The following IL1RAPL2 variants were observed in gnomAD, a reference collection of about 807,000 sequenced individuals.
The protein encoded by IL1RAPL2 is interleukin 1 receptor accessory protein like 2.
A neutral mutation model predicts 44.1 loss-of-function variants in IL1RAPL2; 3 were observed. The ratio of observed to expected loss-of-function variants is 0.07; its 90% CI spans 0.03 to 0.18. The LOEUF is 0.18. Among genes scored for constraint, IL1RAPL2 ranks in the 10% least tolerant of loss-of-function variants. IL1RAPL2 has a pLI of 1.00. For missense variants in IL1RAPL2, 391 were observed against 496.4 expected, an observed-to-expected ratio of 0.79 and a Z score of 2.02; for synonymous variants, 181 against 178.8, an observed-to-expected ratio of 1.01 and a Z score of -0.10.
intron 3 of IL1RAPL2, among the ~76,000 whole-genome samples, chrX:105,222,752 G>T (rs781925630): frequency 3.6e-5 from 4 of 112,110 alleles, no homozygotes; most frequent in Non-Finnish European, 5.6e-5. Flanking sequence ...ATAATGCCCA[G>T]GTTTCTGGTA....
At chrX:104,599,468 G>A (rs1213239582) in intron 1 of IL1RAPL2, among the ~76,000 whole-genome samples, 1 of 108,406 alleles carries the variant, frequency 9.2e-6, no homozygotes, top group East Asian at 2.9e-4. Flanking sequence ...GGCTGATCTC[G>A]AACTCCTGGG....
At chrX:104,731,830 A>G (rs1233031903) in intron 2 of IL1RAPL2, among the ~76,000 whole-genome samples, 1 of 112,027 alleles carries the variant, frequency 8.9e-6, no homozygotes, top group Admixed American at 9.5e-5. Context: ...ATTACAGAAA[A>G]TATTAGAGTA....
At chrX:105,250,671 C>T (rs542608865) in intron 4 of IL1RAPL2, among the ~76,000 whole-genome samples, 2 of 110,979 alleles carry the variant, frequency 1.8e-5, no homozygotes, top group Non-Finnish European at 3.8e-5. Flanking sequence ...ATACGCTTTT[C>T]TGAAAATGTA....
chrX:105,230,507 A>G (rs2034059866), intron 3 of IL1RAPL2, among the ~76,000 whole-genome samples: 1 of 108,005 alleles, frequency 9.3e-6, no homozygotes, highest in Non-Finnish European at 1.9e-5. Context: ...AATTATACAT[A>G]TATATAATTA....
intron 2 of IL1RAPL2, among the ~76,000 whole-genome samples, chrX:104,785,797 T>C (rs749005626): frequency 1.8e-5 from 2 of 112,554 alleles, no homozygotes; most frequent in East Asian, 5.6e-4. Flanking sequence ...ATTCAGAAAC[T>C]GGCTTGATGC....
At chrX:105,101,269 G>A (rs991612436) in intron 2 of IL1RAPL2, among the ~76,000 whole-genome samples, 8 of 111,787 alleles carry the variant, frequency 7.2e-5, no homozygotes, top group African/African-American at 2.6e-4. Context: ...TCATTAAACT[G>A]GGATAAGTCA....
intron 2 of IL1RAPL2, among the ~76,000 whole-genome samples, chrX:105,024,155 T>C (rs931339602): frequency 9.0e-6 from 1 of 111,600 alleles, no homozygotes; most frequent in African/African-American, 3.2e-5. Flanking sequence ...ATCATTTGTC[T>C]TGTTTTATTG....
intron 5 of IL1RAPL2, among the ~76,000 whole-genome samples, chrX:105,274,743 G>A (rs1164644601): frequency 7.1e-5 from 8 of 112,014 alleles, no homozygotes; most frequent in African/African-American, 2.6e-4. Flanking sequence ...GAAAGAAGAG[G>A]AAAGGAGAGG....
intron 5 of IL1RAPL2, among the ~76,000 whole-genome samples, chrX:105,362,351 A>G (rs7878736): frequency 0.061 from 6,848 of 111,433 alleles, 500 homozygotes; most frequent in African/African-American, 0.21. Context: ...AAGGGAAAGG[A>G]CTACTTTTAT....
intron 5 of IL1RAPL2, among the ~76,000 whole-genome samples, chrX:105,353,253 T>C (rs2035172034): frequency 9.0e-6 from 1 of 111,301 alleles, no homozygotes. Context: ...ATACGCGGCA[T>C]TATTTCTGAG....
intron 2 of IL1RAPL2, among the ~76,000 whole-genome samples, chrX:105,087,958 C>A (rs184462267): frequency 8.9e-6 from 1 of 111,950 alleles, no homozygotes; most frequent in East Asian, 2.8e-4. Flanking sequence ...TGCCATAGTT[C>A]GATTAGAGTA....
intron 6 of IL1RAPL2, among the ~76,000 whole-genome samples, chrX:105,536,826 G>A (rs1035800513): frequency 8.9e-6 from 1 of 111,860 alleles, no homozygotes; most frequent in African/African-American, 3.2e-5. Context: ...TATCTTATAA[G>A]TAAAGTTGTA....
At chrX:104,894,799 C>T (rs187880400) in intron 2 of IL1RAPL2, among the ~76,000 whole-genome samples, 2,214 of 112,420 alleles carry the variant, frequency 0.02, 23 homozygotes, top group Non-Finnish European at 0.033. Context: ...CAAAGTCATT[C>T]TCCATCCAGC....
intron 2 of IL1RAPL2, among the ~76,000 whole-genome samples, chrX:105,063,395 A>C (rs1398279447): frequency 8.9e-6 from 1 of 112,272 alleles, no homozygotes; most frequent in Non-Finnish European, 1.9e-5. Flanking sequence ...TCTGTTTCTC[A>C]GGATTGGTCC....
intron 2 of IL1RAPL2, among the ~76,000 whole-genome samples, chrX:105,143,679 G>A (rs1401611464): frequency 1.8e-5 from 2 of 112,084 alleles, no homozygotes; most frequent in Non-Finnish European, 3.8e-5. Flanking sequence ...ACAAATCTGT[G>A]ACTTTTGAAA....
intron 2 of IL1RAPL2, among the ~76,000 whole-genome samples, chrX:104,730,519 A>G (rs1459867899): frequency 1.9e-5 from 2 of 105,907 alleles, no homozygotes; most frequent in East Asian, 6.0e-4. Flanking sequence ...GACGATTTCC[A>G]ATTTCATCCA....
chrX:104,809,800 GC>G (rs1280946551), intron 2 of IL1RAPL2, among the ~76,000 whole-genome samples: 2 of 111,380 alleles, frequency 1.8e-5, no homozygotes, highest in Non-Finnish European at 3.8e-5. Flanking sequence ...TGAAGTCCTT[GC>G]CCATGCCTAT....
chrX:104,958,165 A>G (rs542835880), intron 2 of IL1RAPL2, among the ~76,000 whole-genome samples: 2 of 111,496 alleles, frequency 1.8e-5, no homozygotes, highest in South Asian at 7.7e-4. Flanking sequence ...TGAAGAAAGG[A>G]TCTTGGCTTT....
At chrX:105,419,688 A>G (rs889836493) in intron 5 of IL1RAPL2, among the ~76,000 whole-genome samples, 4 of 112,162 alleles carry the variant, frequency 3.6e-5, no homozygotes, top group Non-Finnish European at 7.5e-5. Context: ...ACAATTATAT[A>G]TATTCTTTTG....
Sources: allele counts gnomAD v4.1 joint callset (sites outside exome capture counted in the v4.1 genomes callset), GRCh38; gene constraint gnomAD v4.1.1; transcripts MANE v1.5; gene names NCBI Gene and HGNC (gene_info 2026-07-23, HGNC 2026-07-21).